Variants in SGCZ observed in about 807,000 individuals in gnomAD.
SGCZ encodes the protein sarcoglycan zeta.
Under a neutral mutation model 41.3 loss-of-function variants are expected in SGCZ, and 40 were observed. That is an observed-to-expected ratio of 0.97 (90% confidence interval 0.75 to 1.26). The LOEUF (loss-of-function observed/expected upper bound fraction) is 1.26, where lower values mean the gene tolerates loss of function less well. Among genes scored for constraint, SGCZ ranks in the 50% most tolerant of loss-of-function variants. The pLI, the probability that SGCZ is intolerant of heterozygous loss-of-function variation, is 0.00. For synonymous variants in SGCZ, 206 were observed against 137.5 expected (o/e 1.50, Z -3.49); for missense variants, 552 against 369.8 (o/e 1.49, Z -4.04).
chr8:14,971,345 T>C (rs1393632421), intron 1 of SGCZ, among the ~76,000 whole-genome samples: 1 of 152,176 alleles, frequency 6.6e-6, no homozygotes, highest in Non-Finnish European at 1.5e-5. Flanking sequence ...CCTTGTTTTG[T>C]TCCTCATATT....
rs192444766 is a variant in SGCZ at position 14,222,761 on chromosome 8, T to C, written c.424+14831A>G. ...AATTTTACCTACCTAACTTATTTAA[T>C]AACTAATTCCACCCTCTCTCAGTCA... On this transcript the variant is annotated intron_variant, in intron 4 of 7. Transcript: ENST00000382080. Among the ~76,000 whole-genome samples the C allele has an allele frequency of 4.2e-4, 63 of 149,456 alleles. 3 individuals carry two copies. The South Asian group carries it at 0.013, about 31-fold the overall frequency.
intron 4 of SGCZ, among the ~76,000 whole-genome samples, chr8:14,207,665 T>C (rs78704727): frequency 0.09 from 13,745 of 152,166 alleles, 788 homozygotes; most frequent in Middle Eastern, 0.14. Context: ...AAATGAAAAC[T>C]AGAGGACAAA....
chr8:14,499,263 C>A (rs565858584), intron 2 of SGCZ, among the ~76,000 whole-genome samples: 1 of 151,904 alleles, frequency 6.6e-6, no homozygotes, highest in Non-Finnish European at 1.5e-5. Context: ...GGGTAAATTT[C>A]TTTTCAAAAC....
intron 1 of SGCZ, among the ~76,000 whole-genome samples, chr8:15,083,912 T>C (rs1348591265): frequency 6.6e-6 from 1 of 152,158 alleles, no homozygotes; most frequent in Non-Finnish European, 1.5e-5. Flanking sequence ...AAAAGTTAAA[T>C]TCTTCCCCAT....
At chr8:14,129,765 G>C (rs1447061449) in intron 5 of SGCZ, among the ~76,000 whole-genome samples, 1 of 144,310 alleles carries the variant, frequency 6.9e-6, no homozygotes, top group African/African-American at 2.7e-5. Flanking sequence ...ATAATAGTTA[G>C]GAATAAATTT....
chr8:14,409,664 G>T (rs1488284107), intron 2 of SGCZ, among the ~76,000 whole-genome samples: 1 of 152,036 alleles, frequency 6.6e-6, no homozygotes, highest in African/African-American at 2.4e-5. Flanking sequence ...AGCAAAAATA[G>T]CTAACGCTAA....
At chr8:15,090,487 T>C (rs1806118876) in intron 1 of SGCZ, among the ~76,000 whole-genome samples, 1 of 152,190 alleles carries the variant, frequency 6.6e-6, no homozygotes, top group South Asian at 2.1e-4. Context: ...AGGCTGCCCA[T>C]AGGGCTGCAC....
chr8:15,120,957 C>A (rs111490514), intron 1 of SGCZ, among the ~76,000 whole-genome samples: 1 of 152,138 alleles, frequency 6.6e-6, no homozygotes, highest in Non-Finnish European at 1.5e-5. Flanking sequence ...AAAGCATCAA[C>A]GCCATGACAG....
At chr8:14,459,333 G>A (rs1219304240) in intron 2 of SGCZ, among the ~76,000 whole-genome samples, 2 of 151,586 alleles carry the variant, frequency 1.3e-5, no homozygotes, top group Non-Finnish European at 1.5e-5. Context: ...CGAGTTAATG[G>A]GTGCAGCACA....
At chr8:14,689,953 T>C (rs1052682654) in intron 1 of SGCZ, among the ~76,000 whole-genome samples, 3 of 152,188 alleles carry the variant, frequency 2.0e-5, no homozygotes, top group Non-Finnish European at 4.4e-5. Flanking sequence ...AAAAAAGTTA[T>C]GTGATAAAGT....
intron 1 of SGCZ, among the ~76,000 whole-genome samples, chr8:14,912,226 G>C (rs1044689907): frequency 2.0e-5 from 3 of 151,926 alleles, no homozygotes; most frequent in African/African-American, 7.2e-5. Flanking sequence ...CACACATTAA[G>C]AGACAGACCC....
intron 5 of SGCZ, among the ~76,000 whole-genome samples, chr8:14,122,642 A>G (rs561994587): frequency 6.6e-6 from 1 of 152,362 alleles, no homozygotes; most frequent in South Asian, 2.1e-4. Context: ...TCCATAAGAT[A>G]TGCATAAATG....
chr8:14,108,345 G>C (rs910176199), intron 5 of SGCZ, 110 bp from the exon 6 acceptor site: 5 of 905,608 alleles, frequency 5.5e-6, no homozygotes, highest in Non-Finnish European at 8.8e-6. Context: ...CTTAAAACAG[G>C]TACATATGAT....
chr8:14,673,134 T>G (rs1293585638), intron 1 of SGCZ, among the ~76,000 whole-genome samples: 1 of 152,226 alleles, frequency 6.6e-6, no homozygotes, highest in African/African-American at 2.4e-5. Flanking sequence ...TTATCCCATC[T>G]ATACAACATA....
At chr8:14,869,907 A>C (rs930857403) in intron 1 of SGCZ, among the ~76,000 whole-genome samples, 15 of 152,120 alleles carry the variant, frequency 9.9e-5, no homozygotes, top group African/African-American at 2.7e-4. Flanking sequence ...GAACTACAAA[A>C]CACTGCTCAA....
At chr8:14,629,925 G>A (rs887752496) in intron 1 of SGCZ, among the ~76,000 whole-genome samples, 3 of 152,066 alleles carry the variant, frequency 2.0e-5, no homozygotes, top group African/African-American at 7.2e-5. Context: ...AGTGGTGTTT[G>A]CAGTTACTTG....
At chr8:15,227,783 G>C (rs1801825576) in intron 1 of SGCZ, among the ~76,000 whole-genome samples, 1 of 152,168 alleles carries the variant, frequency 6.6e-6, no homozygotes, top group Non-Finnish European at 1.5e-5. Flanking sequence ...ACTCTGAATA[G>C]GCACAGAGTT....
chr8:14,806,966 G>T (rs1456997525), intron 1 of SGCZ, among the ~76,000 whole-genome samples: 1 of 151,612 alleles, frequency 6.6e-6, no homozygotes, highest in Non-Finnish European at 1.5e-5. Context: ...TATAAACAGA[G>T]CCAAAGACAA....
chr8:14,399,021 G>A (rs1798997258), intron 2 of SGCZ, among the ~76,000 whole-genome samples: 1 of 151,992 alleles, frequency 6.6e-6, no homozygotes, highest in Non-Finnish European at 1.5e-5. Flanking sequence ...TTTCCTAAAG[G>A]GAACATTTCT....
Sources: gnomAD v4.1 joint callset for allele counts (sites outside exome capture counted in the v4.1 genomes callset) on GRCh38, gnomAD v4.1.1 for gene constraint, MANE v1.5 for transcripts, NCBI Gene and HGNC (gene_info 2026-07-23, HGNC 2026-07-21) for gene names.